The following SYNE2 variants were observed in gnomAD, a reference collection of about 807,000 sequenced individuals.
The protein encoded by SYNE2 is nesprin-2.
Under a neutral mutation model 856.3 loss-of-function variants are expected in SYNE2, and 431 were observed. That is an observed-to-expected ratio of 0.50 (90% CI 0.47 to 0.55). The LOEUF (loss-of-function observed/expected upper bound fraction) is 0.55, where lower values mean the gene tolerates loss of function less well. Ranked by LOEUF, SYNE2 falls within the 20% of genes least tolerant of loss-of-function variation. The pLI, the probability that SYNE2 is intolerant of heterozygous loss-of-function variation, is 0.00. For missense variants in SYNE2, 8,129 were observed against 8,023.2 expected, an observed-to-expected ratio of 1.01 and a Z score of -0.50; for synonymous variants, 2,923 against 2,872.3, an observed-to-expected ratio of 1.02 and a Z score of -0.56.
At chr14:64,120,031 CAAGT>C (rs1402375420) in intron 67 of SYNE2, among the ~76,000 whole-genome samples, 2 of 152,092 alleles carry the variant, frequency 1.3e-5, no homozygotes, top group African/African-American at 4.8e-5. Flanking sequence ...TATTCATTTG[CAAGT>C]ATTTATATAT....
At chr14:64,074,373 C>T (rs1185044907) in intron 53 of SYNE2, among the ~76,000 whole-genome samples, 1 of 152,168 alleles carries the variant, frequency 6.6e-6, no homozygotes, top group Non-Finnish European at 1.5e-5. Flanking sequence ...CAGTCTGGAC[C>T]AAGCAGCCTT....
chr14:63,809,666 A>AT (rs1249925743), intron 1 of SYNE2, among the ~76,000 whole-genome samples: 3 of 151,874 alleles, frequency 2.0e-5, no homozygotes, highest in East Asian at 1.9e-4. Context: ...TGATCGGCTA[A>AT]TTTTTTTTAT....
chr14:64,179,355 T>G (rs2153735316), intron 96 of SYNE2, among the ~76,000 whole-genome samples: 1 of 152,254 alleles, frequency 6.6e-6, no homozygotes, highest in Admixed American at 6.5e-5. Context: ...GCCAGGCTGG[T>G]CTTGAACTCC....
At chr14:64,100,514 CAA>C (rs35489245) in intron 63 of SYNE2, among the ~76,000 whole-genome samples, 579 of 23,646 alleles carry the variant, frequency 0.024, 6 homozygotes, top group African/African-American at 0.043. Context: ...AAAACTGTCT[CAA>C]AAAAAAAAAA....
chr14:63,982,728 A>T lies in SYNE2; in HGVS notation c.1935A>T (p.Ser645=). ...AAGTCAGCAATGATGTGGTTGGATC[A>T]TCTATTTCTAAAGAACTGAGAAGGC... ...LVEVSNDVVG[S]SISKELRRLN... Residue 645 remains serine (S), a synonymous_variant, in exon 17 of 116, where the codon TCA becomes TCT. Coordinates refer to ENST00000555002, the MANE Select transcript of SYNE2 (RefSeq NM_182914.3). 1 of 1,614,118 alleles carries T rather than the reference A, an allele frequency of 6.2e-7. No homozygotes were observed. Among genetic ancestry groups the T allele is most frequent in the South Asian group, 1.1e-5 (1 of 91,084 alleles).
intron 1 of SYNE2, among the ~76,000 whole-genome samples, chr14:63,789,372 T>C (rs1450289259): frequency 6.6e-6 from 1 of 152,228 alleles, no homozygotes; most frequent in Non-Finnish European, 1.5e-5. Flanking sequence ...CAGAAGAGCA[T>C]ATCTCTAGTA....
intron 1 of SYNE2, among the ~76,000 whole-genome samples, chr14:63,779,685 G>A (rs1383917872): frequency 6.6e-6 from 1 of 152,184 alleles, no homozygotes; most frequent in Admixed American, 6.6e-5. Context: ...GCTAAGGTGA[G>A]CGGATTACTT....
chr14:63,930,035 A>G (rs529351400), intron 2 of SYNE2, among the ~76,000 whole-genome samples: 1 of 152,156 alleles, frequency 6.6e-6, no homozygotes, highest in Non-Finnish European at 1.5e-5. Context: ...CTGTAATCCT[A>G]GTGCTTTGAG....
At chr14:63,838,850 A>G (rs922255124) in intron 1 of SYNE2, among the ~76,000 whole-genome samples, 1 of 152,008 alleles carries the variant, frequency 6.6e-6, no homozygotes, top group Non-Finnish European at 1.5e-5. Context: ...TATACATAGC[A>G]TATGCCTAGG....
chr14:63,989,671 A>T (rs1429471408), intron 19 of SYNE2, among the ~76,000 whole-genome samples: 1 of 149,718 alleles, frequency 6.7e-6, no homozygotes, highest in African/African-American at 2.5e-5. Flanking sequence ...ATTTTTTGAG[A>T]TGGAGTTTCA....
At chr14:63,810,146 C>T (rs1160210743) in intron 1 of SYNE2, among the ~76,000 whole-genome samples, 1 of 151,722 alleles carries the variant, frequency 6.6e-6, no homozygotes, top group Admixed American at 6.6e-5. Context: ...ATCCCTTGAG[C>T]CCTGGAGTTT....
Position 64,225,469 on chromosome 14 carries a change from C to T in SYNE2, c.20667C>T (p.Asn6889=). 1 of 1,614,256 alleles carries T rather than the reference C, an allele frequency of 6.2e-7. No individual in the cohort carries two copies. Among genetic ancestry groups the T allele is most frequent in the South Asian group, 1.1e-5 (1 of 91,080 alleles). Residue 6889 remains asparagine (N), a synonymous_variant, in exon 116 of 116, where the codon AAC becomes AAT. Transcript: ENST00000555002. ...ACTACAGCTGCACTCAGGCCAACAA[C>T]TTTGCCCGGTCCTTTTACCCCATGC... ...EEDYSCTQAN[N]FARSFYPMLR... is the part of the protein sequence containing the mutation.
At chr14:64,159,510 C>A (rs943841027) in intron 87 of SYNE2, 68 bp downstream of exon 87, 47 of 1,570,404 alleles carry the variant, frequency 3.0e-5, no homozygotes, top group Non-Finnish European at 3.8e-5. Context: ...AATGAGGGGG[C>A]ATAGGCATTG....
chr14:63,969,335 A>ATT (rs150514197), intron 11 of SYNE2, among the ~76,000 whole-genome samples: 2 of 81,622 alleles, frequency 2.5e-5, no homozygotes, highest in African/African-American at 4.8e-5. Context: ...TGCCTGGCTA[A>ATT]TTTTTTTTTT....
intron 83 of SYNE2, 74 bp downstream of exon 83, chr14:64,144,022 C>T (rs2098161870): frequency 7.7e-6 from 12 of 1,559,574 alleles, no homozygotes; most frequent in East Asian, 2.2e-5. Context: ...TCAAAAAAGA[C>T]GTTCAATTAG....
intron 49 of SYNE2, among the ~76,000 whole-genome samples, chr14:64,059,441 G>A (rs951590826): frequency 6.6e-6 from 1 of 152,214 alleles, no homozygotes; most frequent in African/African-American, 2.4e-5. Context: ...TACCACCTTG[G>A]TGGTCTTGTA....
At chr14:64,171,874 G>T (rs537325514) in intron 94 of SYNE2, among the ~76,000 whole-genome samples, 51 of 152,128 alleles carry the variant, frequency 3.4e-4, no homozygotes, top group African/African-American at 1.2e-3. Flanking sequence ...TTTTTGGGAC[G>T]GAGTCTCACT....
At chr14:64,134,321 C>CAGTGAGTTGTATGA in intron 78 of SYNE2, 121 bp downstream of exon 78, 3 of 1,053,236 alleles carry the variant, frequency 2.8e-6, no homozygotes, top group Non-Finnish European at 2.9e-6. Flanking sequence ...CATCATACAA[C>CAGTGAGTTGTATGA]TCACTGTTGA....
rs776141242 is a variant in SYNE2 at position 64,219,409 on chromosome 14, A to G, written c.19859A>G (p.Gln6620Arg). The G allele has an allele frequency of 1.2e-6, 2 of 1,613,978 alleles. No homozygotes were observed. Among genetic ancestry groups the G allele is most frequent in the Admixed American group, 1.7e-5 (1 of 60,018 alleles). ...ATAGAACTGAGAGTGAAGAGACTGC[A>G]GGTGAGTTAGAGGTGTGGTGGGGAA... ...QEIELRVKRL[Q>R]EILKAFDTYK... The change falls in exon 110 of 116, where the codon CAG becomes CGG. Residue 6620 changes from glutamine to arginine, a missense_variant and splice_region_variant. By Grantham distance (43) the Gln-to-Arg change is conservative. This residue lies in a region of SYNE2 where 5,410 missense variants were observed against 5,284.8 expected (regional missense o/e 1.02). Coordinates refer to ENST00000555002, the MANE Select transcript of SYNE2 (RefSeq NM_182914.3).
Sources: gnomAD v4.1 joint callset for allele counts (sites outside exome capture counted in the v4.1 genomes callset) on GRCh38, gnomAD v4.1.1 for gene constraint, gnomAD v4.1.1 regional missense constraint, MANE v1.5 for transcripts, NCBI Gene and HGNC (gene_info 2026-07-23, HGNC 2026-07-21) for gene names.